EMSY: variants seen among roughly 807,000 people sequenced by gnomAD.
The protein encoded by EMSY is BRCA2-interacting transcriptional repressor EMSY.
A neutral mutation model predicts 134.6 loss-of-function variants in EMSY; 26 were observed. The ratio of observed to expected loss-of-function variants is 0.19; its 90% CI spans 0.14 to 0.27. The LOEUF (loss-of-function observed/expected upper bound fraction) is 0.27, where lower values mean the gene tolerates loss of function less well. Among genes scored for constraint, EMSY ranks in the 10% least tolerant of loss-of-function variants. The pLI, the probability that EMSY is intolerant of heterozygous loss-of-function variation, is 1.00. For missense variants in EMSY, 1,305 were observed against 1,611.4 expected (o/e 0.81, Z 3.26); for synonymous variants, 579 against 577.8 (o/e 1.00, Z -0.03).
intron 9 of EMSY, among the ~76,000 whole-genome samples, chr11:76,502,907 A>C (rs1023536112): frequency 1.3e-5 from 2 of 152,204 alleles, no homozygotes; most frequent in African/African-American, 4.8e-5. Flanking sequence ...GAATCTCAGC[A>C]GACTTCTTCG....
chr11:76,550,855 A>T (rs1236800169), exon 21 of EMSY: 1 of 152,380 alleles, frequency 6.6e-6, no homozygotes, highest in African/African-American at 2.4e-5. Flanking sequence ...TCCTTCTGAC[A>T]AATTTCTTGT....
intron 2 of EMSY, among the ~76,000 whole-genome samples, chr11:76,451,287 T>G (rs998756704): frequency 2.0e-5 from 3 of 152,222 alleles, no homozygotes; most frequent in African/African-American, 7.2e-5. Context: ...ACAAAGTCCC[T>G]TCTAGGTAAG....
intron 7 of EMSY, among the ~76,000 whole-genome samples, chr11:76,471,413 G>A (rs1410771440): frequency 6.6e-6 from 1 of 152,044 alleles, no homozygotes; most frequent in Non-Finnish European, 1.5e-5. Context: ...GACTATTAAT[G>A]CATTAATGTT....
chr11:76,535,988 A>G (rs1951211326), exon 15 of EMSY: 2 of 1,607,150 alleles, frequency 1.2e-6, no homozygotes, highest in Non-Finnish European at 1.7e-6. Flanking sequence ...ATAATTTATC[A>G]GGATGTATCC....
chr11:76,535,399 G>A (rs907319052), intron 14 of EMSY, among the ~76,000 whole-genome samples: 14 of 152,158 alleles, frequency 9.2e-5, no homozygotes, highest in African/African-American at 3.4e-4. Context: ...TCCAATAAGT[G>A]TTGACAGAAT....
Position 76,472,757 on chromosome 11 carries a change from C to T in EMSY, c.1025C>T (p.Thr342Ile), listed in dbSNP as rs779629707. 4 of 1,614,182 alleles carry T rather than the reference C, an allele frequency of 2.5e-6. No homozygotes were observed. In the South Asian group the frequency reaches 3.3e-5, roughly 13 times the overall value. ...AGCAGCAGTGGCAGCAGCAGTTCTACACCATCACCTATTCCTAATACAGTT... is the reference window on the plus strand; with the variant it reads ...AGCAGCAGTGGCAGCAGCAGTTCTATACCATCACCTATTCCTAATACAGTT... Residue 342 changes from threonine (T) to isoleucine (I), a missense_variant, in exon 8 of 21, where the codon ACA (threonine) becomes ATA (isoleucine). Transcript: ENST00000334736.
intron 14 of EMSY, among the ~76,000 whole-genome samples, chr11:76,533,718 A>G (rs1029726212): frequency 4.6e-5 from 7 of 152,146 alleles, no homozygotes; most frequent in African/African-American, 1.7e-4. Context: ...AACGTGTAGT[A>G]GGTATCCAAC....
At chr11:76,448,014 C>T (rs1348523649) in intron 2 of EMSY, among the ~76,000 whole-genome samples, 1 of 151,926 alleles carries the variant, frequency 6.6e-6, no homozygotes, top group African/African-American at 2.4e-5. Flanking sequence ...TACAAATGAC[C>T]CATGTGACCA....
At chr11:76,458,200 G>T (rs761956930) in exon 5 of EMSY, 1 of 1,613,064 alleles carries the variant, frequency 6.2e-7, no homozygotes, top group East Asian at 2.2e-5. Flanking sequence ...GGACCTAATA[G>T]CTCTTCAGAA....
chr11:76,475,449 T>C (rs1422228123), intron 8 of EMSY, among the ~76,000 whole-genome samples: 3 of 152,240 alleles, frequency 2.0e-5, no homozygotes, highest in Admixed American at 2.0e-4. Flanking sequence ...CTTAGGACTT[T>C]CTTCATTTTC....
At chr11:76,538,433 G>A (rs570818968) in intron 16 of EMSY, among the ~76,000 whole-genome samples, 19 of 151,922 alleles carry the variant, frequency 1.3e-4, no homozygotes, top group African/African-American at 4.3e-4. Context: ...TTAATTTTTT[G>A]TATTTTTAGT....
chr11:76,551,735 T>C (rs1951842071), downstream of EMSY: 1 of 152,190 alleles, frequency 6.6e-6, no homozygotes, highest in Admixed American at 6.5e-5. Flanking sequence ...GGTCATAGAC[T>C]TCTTTGGTAA....
At chr11:76,462,199 A>T (rs961478411) in intron 6 of EMSY, among the ~76,000 whole-genome samples, 1 of 151,146 alleles carries the variant, frequency 6.6e-6, no homozygotes, top group African/African-American at 2.4e-5. Context: ...AGATCGCACC[A>T]CTGCACTCCA....
chr11:76,499,483 T>G (rs961657247), intron 9 of EMSY, among the ~76,000 whole-genome samples: 3 of 151,666 alleles, frequency 2.0e-5, no homozygotes, highest in African/African-American at 7.3e-5. Context: ...GAGACGGGGT[T>G]TCACCGTGTT....
intron 11 of EMSY, among the ~76,000 whole-genome samples, chr11:76,518,678 T>G (rs75430970): frequency 7.7e-6 from 1 of 130,676 alleles, no homozygotes; most frequent in Non-Finnish European, 1.6e-5. Context: ...AGTGTGTGTG[T>G]GCGCGCATAT....
In EMSY at chr11:76,465,007, T is replaced by C. The variant is rs75942099; in HGVS notation, c.831+927T>C. ...TGTTTTTCTCTTTACAAACTTTCAG[T>C]AACTTTCAGAATTCTGAAATTTCAA... is the stretch of plus-strand genomic sequence containing the variant. On this transcript the variant is annotated intron_variant, in intron 7 of 20. Coordinates refer to ENST00000334736, the Ensembl canonical transcript of EMSY. Among the ~76,000 whole-genome samples the C allele has an allele frequency of 9.3e-3, 1,423 of 152,322 alleles. 21 individuals are homozygous for C. Among genetic ancestry groups the C allele is most frequent in the African/African-American group, 0.033 (1,357 of 41,572 alleles).
intron 8 of EMSY, among the ~76,000 whole-genome samples, chr11:76,486,761 T>C (rs758733955): frequency 5.3e-5 from 8 of 152,212 alleles, no homozygotes; most frequent in Non-Finnish European, 7.3e-5. Flanking sequence ...GTTACTCCAG[T>C]TGACTGATAG....
chr11:76,456,418 C>T (rs7926009), intron 4 of EMSY, among the ~76,000 whole-genome samples: 81,975 of 151,904 alleles, frequency 0.54, 23,214 homozygotes, highest in South Asian at 0.67. Flanking sequence ...ATTTCTGCCA[C>T]CACTTAAACA....
At chr11:76,508,732 G>T (rs1409071581) in intron 9 of EMSY, among the ~76,000 whole-genome samples, 1 of 152,190 alleles carries the variant, frequency 6.6e-6, no homozygotes, top group African/African-American at 2.4e-5. Context: ...TGGATAACTT[G>T]CTACAGCTTC....
Sources: allele counts gnomAD v4.1 joint callset (sites outside exome capture counted in the v4.1 genomes callset), GRCh38; gene constraint gnomAD v4.1.1; transcripts MANE v1.5; gene names NCBI Gene and HGNC (gene_info 2026-07-23, HGNC 2026-07-21).